SLC14A2: variants seen among roughly 807,000 people sequenced by gnomAD.
SLC14A2 encodes solute carrier family 14 member 2.
SLC14A2 carries 91 observed loss-of-function variants against 104.6 expected under a neutral mutation model. The ratio of observed to expected loss-of-function variants is 0.87; its 90% CI spans 0.73 to 1.04. The LOEUF (loss-of-function observed/expected upper bound fraction) is 1.04, where lower values mean the gene tolerates loss of function less well. SLC14A2 is among the 50% of genes least tolerant of loss of function. The probability of loss-of-function intolerance (pLI) is 0.00; values close to 1 mark genes in which losing one functional copy is unlikely to be tolerated. For missense variants in SLC14A2, 1,189 were observed against 1,156.0 expected, an observed-to-expected ratio of 1.03 and a Z score of -0.41; for synonymous variants, 476 against 466.4, an observed-to-expected ratio of 1.02 and a Z score of -0.27.
chr18:45,194,805 C>T, the SLC14A2 span, among the ~76,000 whole-genome samples: 19 of 151,710 alleles, frequency 1.3e-4, no homozygotes, highest in African/African-American at 4.1e-4. Flanking sequence ...GCCATCATGC[C>T]GGCTAATTTT....
the SLC14A2 span, among the ~76,000 whole-genome samples, chr18:45,186,665 G>A: frequency 2.0e-5 from 3 of 152,186 alleles, no homozygotes; most frequent in Admixed American, 1.3e-4. Context: ...CAGATCTGGA[G>A]AGACAGAAGC....
chr18:45,644,155 C>T lies in SLC14A2; in HGVS notation c.1346C>T (p.Pro449Leu), dbSNP rs1321641768. The T allele has an allele frequency of 2.5e-6, 4 of 1,614,142 alleles. No individual in the cohort carries two copies. Among genetic ancestry groups the T allele is most frequent in the South Asian group, 2.2e-5 (2 of 91,070 alleles). The change falls in exon 10 of 20, where the codon CCC becomes CTC. Residue 449 changes from proline to leucine, a missense_variant. Physicochemically the swap from Pro to Leu is moderately conservative, Grantham distance 98. Transcript: ENST00000255226. ...TVKSGEEEKA[P>L]SGGGGEHPPT... ...AAAAGCGGTGAAGAAGAGAAGGCCC[C>T]CAGCGGTGAATAGCCATGTTCGGGG...
At chr18:45,450,481 A>G (rs187328715) in intron 1 of SLC14A2, among the ~76,000 whole-genome samples, 8 of 152,324 alleles carry the variant, frequency 5.3e-5, no homozygotes, top group Non-Finnish European at 1.0e-4. Context: ...TAGGGGTTTG[A>G]CATAATTCCC....
intron 2 of SLC14A2, among the ~76,000 whole-genome samples, chr18:45,510,086 T>A (rs927919449): frequency 6.6e-6 from 1 of 152,208 alleles, no homozygotes; most frequent in Non-Finnish European, 1.5e-5. Flanking sequence ...TCTTCTTTGA[T>A]GGACAACTTC....
chr18:45,488,070 T>G (rs1229923056), intron 2 of SLC14A2, among the ~76,000 whole-genome samples: 3 of 152,188 alleles, frequency 2.0e-5, no homozygotes. Context: ...GATTACAAAG[T>G]GGTCCTAGAC....
At chr18:45,344,251 A>G (rs141968913) in intron 1 of SLC14A2, among the ~76,000 whole-genome samples, 5 of 152,296 alleles carry the variant, frequency 3.3e-5, no homozygotes, top group South Asian at 2.1e-4. Context: ...CCAGTCCTCC[A>G]ATACCACTTA....
At chr18:45,208,190 A>G (rs1236425814), upstream of SLC14A2, among the ~76,000 whole-genome samples, 1 of 152,194 alleles carries the variant, frequency 6.6e-6, no homozygotes, top group Non-Finnish European at 1.5e-5. Context: ...TATAACCAAC[A>G]CAAAAATTTG....
At chr18:45,206,417 ATACACACACACG>A in the SLC14A2 span, among the ~76,000 whole-genome samples, 1 of 149,596 alleles carries the variant, frequency 6.7e-6, no homozygotes, top group South Asian at 2.1e-4. Context: ...ACACATACAC[ATACACACACACG>A]TACACACACA....
At chr18:45,391,240 A>G (rs112160128) in intron 1 of SLC14A2, among the ~76,000 whole-genome samples, 4 of 152,296 alleles carry the variant, frequency 2.6e-5, no homozygotes, top group Admixed American at 1.3e-4. Context: ...CCATGTCCCT[A>G]CAAAGTACAT....
chr18:45,596,471 A>G (rs144254339), intron 2 of SLC14A2, among the ~76,000 whole-genome samples: 3 of 152,324 alleles, frequency 2.0e-5, no homozygotes, highest in South Asian at 2.1e-4. Context: ...ATGAAACCCA[A>G]TGGGAATTAC....
chr18:45,563,574 C>T (rs2044231319), intron 2 of SLC14A2, among the ~76,000 whole-genome samples: 1 of 152,208 alleles, frequency 6.6e-6, no homozygotes, highest in East Asian at 1.9e-4. Context: ...TTTCTTCCTA[C>T]ATTTTTTTTG....
chr18:45,449,723 G>A (rs895202717), intron 1 of SLC14A2, among the ~76,000 whole-genome samples: 1 of 152,190 alleles, frequency 6.6e-6, no homozygotes, highest in African/African-American at 2.4e-5. Flanking sequence ...AAAAGTTAAA[G>A]GGGCTGAGTG....
chr18:45,259,838 G>A (rs1190594631), intron 1 of SLC14A2, among the ~76,000 whole-genome samples: 2 of 152,190 alleles, frequency 1.3e-5, no homozygotes, highest in Non-Finnish European at 2.9e-5. Context: ...GGAGTAATCT[G>A]GGGAAGTAGA....
chr18:45,392,682 T>G (rs2085983923), intron 1 of SLC14A2, among the ~76,000 whole-genome samples: 1 of 152,190 alleles, frequency 6.6e-6, no homozygotes, highest in Admixed American at 6.5e-5. Flanking sequence ...AATATGTCAT[T>G]TAAAATTCCC....
intron 1 of SLC14A2, among the ~76,000 whole-genome samples, chr18:45,430,648 T>TA (rs2086500446): frequency 2.0e-5 from 3 of 152,108 alleles, no homozygotes; most frequent in Admixed American, 6.6e-5. Context: ...TGATCTCAGC[T>TA]CAGTGCAAGC....
chr18:45,318,841 C>T (rs561010596), intron 1 of SLC14A2, among the ~76,000 whole-genome samples: 5 of 152,088 alleles, frequency 3.3e-5, no homozygotes, highest in South Asian at 4.2e-4. Context: ...CACTCAGCCC[C>T]GGTCAGCATG....
intron 1 of SLC14A2, among the ~76,000 whole-genome samples, chr18:45,398,670 A>G (rs2086063045): frequency 6.6e-6 from 1 of 152,200 alleles, no homozygotes; most frequent in Admixed American, 6.6e-5. Flanking sequence ...CCTTGAGGAC[A>G]TTATGCTAAG....
intron 2 of SLC14A2, among the ~76,000 whole-genome samples, chr18:45,554,860 A>T (rs2044110514): frequency 6.6e-6 from 1 of 152,316 alleles, no homozygotes; most frequent in Non-Finnish European, 1.5e-5. Context: ...CTGGGCATCC[A>T]TGCAGGGCTG....
At chr18:45,379,246 T>G (rs528182136) in intron 1 of SLC14A2, among the ~76,000 whole-genome samples, 1 of 152,336 alleles carries the variant, frequency 6.6e-6, no homozygotes, top group South Asian at 2.1e-4. Context: ...CTTACTGCCA[T>G]CTACATTGTT....
Sources: allele counts gnomAD v4.1 joint callset (sites outside exome capture counted in the v4.1 genomes callset), GRCh38; gene constraint gnomAD v4.1.1; transcripts MANE v1.5; gene names NCBI Gene and HGNC (gene_info 2026-07-23, HGNC 2026-07-21).